Variants in FBXL17 observed in about 807,000 individuals in gnomAD.
FBXL17 encodes the protein F-box and leucine rich repeat protein 17.
Under a neutral mutation model 66.2 loss-of-function variants are expected in FBXL17, and 22 were observed. The observed-to-expected ratio is 0.33, with a 90% CI of 0.24 to 0.47. FBXL17 has a LOEUF of 0.47. FBXL17 is among the 20% of genes least tolerant of loss of function. FBXL17 has a pLI of 1.00. For synonymous variants in FBXL17, 474 were observed against 400.5 expected (o/e 1.18, Z -2.19); for missense variants, 878 against 948.2 (o/e 0.93, Z 0.97).
chr5:108,057,813 T>C (rs1405734021), intron 6 of FBXL17, among the ~76,000 whole-genome samples: 4 of 152,232 alleles, frequency 2.6e-5, no homozygotes, highest in African/African-American at 9.6e-5. Flanking sequence ...GTCAGACTAA[T>C]AGTCAATAAT....
intron 6 of FBXL17, among the ~76,000 whole-genome samples, chr5:108,040,661 T>C (rs1467695656): frequency 6.6e-6 from 1 of 152,210 alleles, no homozygotes; most frequent in Non-Finnish European, 1.5e-5. Flanking sequence ...TACATAATTA[T>C]TTTATATTTC....
chr5:107,993,020 C>T (rs1431372178), intron 7 of FBXL17, among the ~76,000 whole-genome samples: 1 of 152,022 alleles, frequency 6.6e-6, no homozygotes, highest in African/African-American at 2.4e-5. Flanking sequence ...CTTAGCCTCC[C>T]GAGTAGCTGG....
chr5:108,207,330 TG>T (rs1754164273), intron 5 of FBXL17, among the ~76,000 whole-genome samples: 3 of 152,112 alleles, frequency 2.0e-5, no homozygotes, highest in Admixed American at 6.6e-5. Context: ...GATATGCAAG[TG>T]TTTTTTTTTT....
intron 6 of FBXL17, among the ~76,000 whole-genome samples, chr5:108,042,314 A>C (rs145052505): frequency 1.3e-5 from 2 of 152,210 alleles, no homozygotes; most frequent in African/African-American, 4.8e-5. Flanking sequence ...TTATAGTAGA[A>C]TATCACAAGC....
rs529595403 is a variant in FBXL17, at chr5:107,991,645, C to T, written c.1822+29280G>A. On this transcript the variant is annotated intron_variant, in intron 7 of 8. Transcript: ENST00000542267. Reference sequence around the variant, plus strand: ...AGGCTACAACAGAGAGAGAAGGTGGCCACGACAGTTTGCAGATTAGCTATA... The same window carrying T: ...AGGCTACAACAGAGAGAGAAGGTGGTCACGACAGTTTGCAGATTAGCTATA... Among the ~76,000 whole-genome samples, 12 of 152,312 alleles carry T rather than the reference C, an allele frequency of 7.9e-5. No individual in the cohort carries two copies. The South Asian group carries it at 2.3e-3, about 29-fold the overall frequency.
chr5:108,171,170 G>C lies in FBXL17; in HGVS notation c.1745+14947C>G, dbSNP rs1436557900. On this transcript the variant is annotated intron_variant, in intron 6 of 8. Coordinates refer to ENST00000542267, the MANE Select transcript of FBXL17 (RefSeq NM_001163315.3). ...AGATTAAATAGCAGTACTGGAAACT[G>C]CAAATGGATGTTATTTTATTGTAAT... is the stretch of plus-strand genomic sequence containing the variant. 4.6e-5 allele frequency among the ~76,000 whole-genome samples: 7 copies of C among 152,152 alleles called. No homozygotes were observed. In the South Asian group the frequency reaches 6.2e-4, roughly 14 times the overall value.
intron 7 of FBXL17, among the ~76,000 whole-genome samples, chr5:107,934,415 G>C (rs1197012320): frequency 6.6e-6 from 1 of 152,060 alleles, no homozygotes; most frequent in Non-Finnish European, 1.5e-5. Flanking sequence ...ATGATATTCT[G>C]ATATTTTAAA....
intron 5 of FBXL17, among the ~76,000 whole-genome samples, chr5:108,210,584 G>A (rs1468090596): frequency 6.6e-6 from 1 of 152,214 alleles, no homozygotes; most frequent in African/African-American, 2.4e-5. Context: ...TAGTCATTCA[G>A]AAGCAGGTTG....
chr5:108,034,600 T>C (rs1746767904), intron 6 of FBXL17, among the ~76,000 whole-genome samples: 1 of 152,192 alleles, frequency 6.6e-6, no homozygotes, highest in Admixed American at 6.6e-5. Flanking sequence ...AGTTATTTAT[T>C]TTCATAGCTA....
At chr5:108,227,242 C>A (rs1755139630) in intron 4 of FBXL17, among the ~76,000 whole-genome samples, 1 of 152,068 alleles carries the variant, frequency 6.6e-6, no homozygotes, top group Non-Finnish European at 1.5e-5. Flanking sequence ...AAACTTGAGG[C>A]CCCCAGTGCT....
intron 5 of FBXL17, among the ~76,000 whole-genome samples, chr5:108,210,915 A>G (rs1003601371): frequency 1.3e-5 from 2 of 152,128 alleles, no homozygotes; most frequent in Admixed American, 1.3e-4. Context: ...GTGGGGTGTT[A>G]AAGTCTCCCA....
chr5:108,380,653 G>C (rs1210801293), intron 1 of FBXL17, 46 bp downstream of exon 1: 3 of 1,084,914 alleles, frequency 2.8e-6, no homozygotes, highest in African/African-American at 3.3e-5. Flanking sequence ...GCGGGGGCCG[G>C]GGGTGGGGGA....
intron 4 of FBXL17, among the ~76,000 whole-genome samples, chr5:108,295,331 T>C (rs968150653): frequency 6.6e-6 from 1 of 151,908 alleles, no homozygotes; most frequent in East Asian, 1.9e-4. Flanking sequence ...AAAAATAACA[T>C]TGAGCATTTA....
intron 4 of FBXL17, among the ~76,000 whole-genome samples, chr5:108,327,326 C>A (rs975012083): frequency 3.9e-5 from 6 of 152,268 alleles, no homozygotes; most frequent in Admixed American, 6.5e-5. Flanking sequence ...AACCCTAAAG[C>A]CTGAACTACA....
chr5:108,050,397 AG>A (rs1354796349), intron 6 of FBXL17, among the ~76,000 whole-genome samples: 12 of 152,254 alleles, frequency 7.9e-5, no homozygotes, highest in African/African-American at 2.7e-4. Context: ...ATTAGAACTC[AG>A]GATTAAGAAA....
chr5:108,110,293 G>T (rs1749979005), intron 6 of FBXL17, among the ~76,000 whole-genome samples: 1 of 152,036 alleles, frequency 6.6e-6, no homozygotes. Context: ...AAATTCATCA[G>T]TAATATAGTC....
In FBXL17 at chr5:108,381,073, A is replaced by G. The variant is rs1749866444; in HGVS notation, c.619T>C (p.Cys207Arg). The change falls in exon 1 of 9, where the codon TGC becomes CGC. Residue 207 changes from cysteine (C) to arginine (R), a missense_variant. Coordinates refer to ENST00000542267, the MANE Select transcript of FBXL17 (RefSeq NM_001163315.3). ...CAGCGGGGCTGCTTGCAGGGGGTGC[A>G]GGCGGGGACCCCGGCCCCCTTCCGC... ...CKRKGAGVPA[C>R]TPCKQPRCGG... 11 of 1,236,862 alleles carry G rather than the reference A, an allele frequency of 8.9e-6. No homozygotes were observed. Among genetic ancestry groups the G allele is most frequent in the South Asian group, 3.4e-5 (1 of 29,564 alleles). The allele number at this position is 1,236,862 out of a possible 1,614,324, so 76.6% of individuals were successfully genotyped here. A position where few individuals can be genotyped will look rare whatever the true frequency, so the allele number is the denominator to read the frequency against.
At chr5:108,290,226 A>T (rs1212223066) in intron 4 of FBXL17, among the ~76,000 whole-genome samples, 1 of 152,180 alleles carries the variant, frequency 6.6e-6, no homozygotes, top group African/African-American at 2.4e-5. Context: ...GTCCATAGGG[A>T]TGAAGAGAAT....
At chr5:108,380,595 G>C (rs1749776568) in intron 1 of FBXL17, 104 bp downstream of exon 1, 4 of 698,956 alleles carry the variant, frequency 5.7e-6, no homozygotes. Context: ...GGCTGCCAGG[G>C]AACCCCCCTC....
Sources: allele counts gnomAD v4.1 joint callset (sites outside exome capture counted in the v4.1 genomes callset), GRCh38; gene constraint gnomAD v4.1.1; transcripts MANE v1.5; gene names NCBI Gene and HGNC (gene_info 2026-07-23, HGNC 2026-07-21).